SEMA4D: variants seen among roughly 807,000 people sequenced by gnomAD.
SEMA4D encodes the protein semaphorin-4D.
SEMA4D carries 22 observed loss-of-function variants against 74.8 expected under a neutral mutation model. The ratio of observed to expected loss-of-function variants is 0.29; its 90% CI spans 0.21 to 0.42. The LOEUF is 0.42. Ranked by LOEUF, SEMA4D falls within the 10% of genes least tolerant of loss-of-function variation. The probability of loss-of-function intolerance (pLI) is 1.00; values close to 1 mark genes in which losing one functional copy is unlikely to be tolerated. For missense variants in SEMA4D, 937 were observed against 1,118.4 expected (o/e 0.84, Z 2.31); for synonymous variants, 445 against 463.7 (o/e 0.96, Z 0.52).
Position 89,420,499 on chromosome 9 carries a change from G to T in SEMA4D, c.-243-14800C>A, listed in dbSNP as rs574354302. ...CATGGCCTTCACATCCTCTCCTGGT[G>T]CACCCCCTCTAGTGCAGGAGAGTGT... On this transcript the variant is annotated intron_variant, in intron 2 of 15. Coordinates refer to ENST00000422704, the MANE Select transcript of SEMA4D (RefSeq NM_001371194.2). Among the ~76,000 whole-genome samples, 30 of 152,318 alleles carry T rather than the reference G, an allele frequency of 2.0e-4. No individual in the cohort carries two copies. In the Middle Eastern group the frequency reaches 0.01, roughly 52 times the overall value.
chr9:89,457,829 C>G (rs1053858035), intron 1 of SEMA4D, among the ~76,000 whole-genome samples: 14 of 151,830 alleles, frequency 9.2e-5, no homozygotes, highest in African/African-American at 2.9e-4. Flanking sequence ...GTTAGGAGAT[C>G]GAGACCATCC....
intron 1 of SEMA4D, among the ~76,000 whole-genome samples, chr9:89,462,220 G>C (rs546119865): frequency 1.3e-5 from 2 of 152,336 alleles, no homozygotes; most frequent in South Asian, 4.1e-4. Flanking sequence ...CGCTTGGTGT[G>C]AGTGCACTGC....
At chr9:89,388,581 C>T in intron 11 of SEMA4D, 55 bp downstream of exon 11, 2 of 1,558,878 alleles carry the variant, frequency 1.3e-6, no homozygotes, top group Non-Finnish European at 1.7e-6. Context: ...GTACTGGATT[C>T]CATGCCCTGG....
intron 2 of SEMA4D, among the ~76,000 whole-genome samples, chr9:89,444,452 C>T (rs950415971): frequency 2.6e-5 from 4 of 152,202 alleles, no homozygotes; most frequent in Non-Finnish European, 5.9e-5. Context: ...GGGATGTGGG[C>T]ACGTGAAGAG....
intron 1 of SEMA4D, among the ~76,000 whole-genome samples, chr9:89,466,870 G>A (rs537784136): frequency 2.0e-5 from 3 of 152,260 alleles, no homozygotes; most frequent in South Asian, 2.1e-4. Context: ...CAAGGATGCT[G>A]CTCCCTCCCC....
intron 4 of SEMA4D, 145 bp from the exon 5 acceptor site, chr9:89,399,483 G>C (rs1383166385): frequency 2.4e-5 from 15 of 637,762 alleles, no homozygotes; most frequent in Non-Finnish European, 3.9e-5. Context: ...GGGAGGTTCA[G>C]AGAGCAGGGG....
At chr9:89,374,218 C>T (rs1310525606), downstream of SEMA4D, among the ~76,000 whole-genome samples, 2 of 152,242 alleles carry the variant, frequency 1.3e-5, no homozygotes, top group African/African-American at 2.4e-5. Context: ...CCATCCTGAG[C>T]ACTGGCAAAG....
chr9:89,432,402 C>G (rs1278114195), intron 2 of SEMA4D, among the ~76,000 whole-genome samples: 1 of 152,094 alleles, frequency 6.6e-6, no homozygotes, highest in African/African-American at 2.4e-5. Context: ...TCAGGGCGGC[C>G]ACAGTAAGGT....
intron 1 of SEMA4D, among the ~76,000 whole-genome samples, chr9:89,456,474 T>TAATA (rs1211666120): frequency 6.6e-6 from 1 of 152,212 alleles, no homozygotes; most frequent in Non-Finnish European, 1.5e-5. Context: ...CAACACTTTT[T>TAATA]AAGTTTTAAA....
exon 17 of SEMA4D, chr9:89,363,758 A>C (rs1564477838): frequency 6.2e-7 from 1 of 1,613,194 alleles, no homozygotes; most frequent in African/African-American, 1.3e-5. Flanking sequence ...CATCACAGCA[A>C]CCTGCACCTT....
chr9:89,363,415 G>A (rs1403692824), intron 18 of SEMA4D: 1 of 1,610,066 alleles, frequency 6.2e-7, no homozygotes, highest in Middle Eastern at 1.7e-4. Context: ...TCTTTGCCCG[G>A]CTGCGGCCAC....
At chr9:89,446,197 G>C (rs1277915818) in intron 2 of SEMA4D, among the ~76,000 whole-genome samples, 1 of 152,026 alleles carries the variant, frequency 6.6e-6, no homozygotes, top group Non-Finnish European at 1.5e-5. Context: ...CACTACTCTA[G>C]CCTCTGTGCC....
chr9:89,418,137 A>T, intron 2 of SEMA4D: 7 of 981,724 alleles, frequency 7.1e-6, no homozygotes, highest in Non-Finnish European at 8.5e-6. Flanking sequence ...ATAATGGGAA[A>T]CAAGGCTATT....
chr9:89,450,324 G>A (rs1251207947), intron 2 of SEMA4D: 15 of 924,612 alleles, frequency 1.6e-5, no homozygotes, highest in Non-Finnish European at 1.8e-5. Context: ...CAAACAGTAT[G>A]GACTGAAAAT....
intron 4 of SEMA4D, among the ~76,000 whole-genome samples, chr9:89,402,590 C>G (rs1055343567): frequency 1.3e-5 from 2 of 152,026 alleles, no homozygotes; most frequent in Non-Finnish European, 2.9e-5. Context: ...GACTGAACAC[C>G]CGGCCTTGCA....
intron 1 of SEMA4D, among the ~76,000 whole-genome samples, chr9:89,465,684 C>T (rs1858503236): frequency 6.6e-6 from 1 of 152,196 alleles, no homozygotes; most frequent in South Asian, 2.1e-4. Context: ...CCAACGGACA[C>T]AATACCAGCC....
At chr9:89,471,230 A>G (rs1860119710) in intron 1 of SEMA4D, among the ~76,000 whole-genome samples, 1 of 152,144 alleles carries the variant, frequency 6.6e-6, no homozygotes, top group Admixed American at 6.5e-5. Context: ...GAGTTATTTA[A>G]TGGGTACAGA....
At position 89,405,651 on chromosome 9, in the gene SEMA4D, C is replaced by G; in HGVS notation, c.-195G>C. 7.0e-7 allele frequency: 1 copy of G among 1,425,812 alleles called. No individual in the cohort carries two copies. Among genetic ancestry groups the G allele is most frequent in the South Asian group, 1.5e-5 (1 of 65,438 alleles). The allele number at this position is 1,425,812 out of a possible 1,614,324, so 88.3% of individuals were successfully genotyped here. A position where few individuals can be genotyped will look rare whatever the true frequency, so the allele number is the denominator to read the frequency against. ...GGTGAGGAGGGGTCGCTCTCACCAC[C>G]GCAATGTCAAAGCCCACTTGATACT... On this transcript the variant is annotated 5_prime_UTR_variant, in exon 3 of 16. Coordinates refer to ENST00000422704, the MANE Select transcript of SEMA4D (RefSeq NM_001371194.2).
At chr9:89,488,626 G>A (rs937918674) in intron 1 of SEMA4D, among the ~76,000 whole-genome samples, 5 of 152,096 alleles carry the variant, frequency 3.3e-5, no homozygotes, top group Non-Finnish European at 7.4e-5. Context: ...ACTCACCTCA[G>A]CCTCCCGAAC....
Sources: gnomAD v4.1 joint callset for allele counts (sites outside exome capture counted in the v4.1 genomes callset) on GRCh38, gnomAD v4.1.1 for gene constraint, MANE v1.5 for transcripts, NCBI Gene and HGNC (gene_info 2026-07-23, HGNC 2026-07-21) for gene names.